The following EIF3H variants were observed in gnomAD, a reference collection of about 807,000 sequenced individuals.
The protein encoded by EIF3H is eukaryotic translation initiation factor 3 subunit H.
In EIF3H, 26 loss-of-function variants were observed where a neutral mutation model predicts 44.2. That is an observed-to-expected ratio of 0.59 (90% CI 0.43 to 0.82). The LOEUF (loss-of-function observed/expected upper bound fraction) is 0.82. Ranked by LOEUF, EIF3H falls within the 40% of genes least tolerant of loss-of-function variation. EIF3H has a pLI of 0.00. For synonymous variants in EIF3H, 166 were observed against 151.9 expected, an observed-to-expected ratio of 1.09 and a Z score of -0.68; for missense variants, 359 against 432.8, an observed-to-expected ratio of 0.83 and a Z score of 1.51.
chr8:116,700,965 G>A (rs868629181), intron 2 of EIF3H, among the ~76,000 whole-genome samples: 2 of 151,912 alleles, frequency 1.3e-5, no homozygotes, highest in Non-Finnish European at 2.9e-5. Flanking sequence ...TAAGACTTCT[G>A]GTCTAAATTT....
chr8:116,726,567 A>G (rs1385990616), intron 1 of EIF3H, among the ~76,000 whole-genome samples: 2 of 152,250 alleles, frequency 1.3e-5, no homozygotes, highest in African/African-American at 4.8e-5. Flanking sequence ...TAAGACACAG[A>G]GATAAAGGTC....
intron 1 of EIF3H, among the ~76,000 whole-genome samples, chr8:116,765,209 C>T (rs1297708554): frequency 6.6e-6 from 1 of 152,136 alleles, no homozygotes; most frequent in Non-Finnish European, 1.5e-5. Flanking sequence ...ACTCAAAGAC[C>T]TTGAATCCAA....
At chr8:116,739,196 C>T (rs1368140339) in intron 1 of EIF3H, among the ~76,000 whole-genome samples, 2 of 152,240 alleles carry the variant, frequency 1.3e-5, no homozygotes, top group African/African-American at 4.8e-5. Context: ...AGGACATGTT[C>T]CTGCTTCTTA....
chr8:116,697,448 TG>T (rs1814288325), intron 2 of EIF3H, among the ~76,000 whole-genome samples: 1 of 152,298 alleles, frequency 6.6e-6, no homozygotes, highest in Non-Finnish European at 1.5e-5. Context: ...TCTTAATGAC[TG>T]GGAACAAAGA....
chr8:116,757,541 C>T (rs986960130), upstream of EIF3H, among the ~76,000 whole-genome samples: 1 of 151,752 alleles, frequency 6.6e-6, no homozygotes, highest in African/African-American at 2.4e-5. Flanking sequence ...TTATGGTGAC[C>T]TCATCCAAGC....
intron 1 of EIF3H, among the ~76,000 whole-genome samples, chr8:116,732,934 C>A (rs1814976541): frequency 6.6e-6 from 1 of 152,174 alleles, no homozygotes; most frequent in Admixed American, 6.5e-5. Flanking sequence ...CAATTTTTGA[C>A]ACTATCTTCC....
At chr8:116,664,369 T>TTA (rs1285182361) in intron 2 of EIF3H, among the ~76,000 whole-genome samples, 1 of 152,168 alleles carries the variant, frequency 6.6e-6, no homozygotes, top group Non-Finnish European at 1.5e-5. Flanking sequence ...CATTTAAATG[T>TTA]TATATATATC....
chr8:116,750,022 G>T (rs1383279924), intron 1 of EIF3H, among the ~76,000 whole-genome samples: 1 of 152,302 alleles, frequency 6.6e-6, no homozygotes, highest in African/African-American at 2.4e-5. Flanking sequence ...ATTAATCTCT[G>T]GGTTCATCTA....
intron 4 of EIF3H, 76 bp downstream of exon 4, chr8:116,657,139 G>C (rs1813504405): frequency 8.0e-7 from 1 of 1,256,284 alleles, no homozygotes; most frequent in Non-Finnish European, 1.2e-6. Context: ...CACAACCAAG[G>C]ATTCAAGAGA....
chr8:116,672,249 T>C (rs564827500), intron 2 of EIF3H, among the ~76,000 whole-genome samples: 1 of 152,314 alleles, frequency 6.6e-6, no homozygotes, highest in South Asian at 2.1e-4. Flanking sequence ...TAGTATTCCA[T>C]AGAGATAAGT....
At chr8:116,688,581 G>T (rs1020941681) in intron 2 of EIF3H, among the ~76,000 whole-genome samples, 7 of 152,052 alleles carry the variant, frequency 4.6e-5, no homozygotes, top group African/African-American at 1.7e-4. Flanking sequence ...ACTGCTGCAA[G>T]AACTACAGAA....
At chr8:116,704,759 A>G (rs1395356831) in intron 2 of EIF3H, among the ~76,000 whole-genome samples, 1 of 152,244 alleles carries the variant, frequency 6.6e-6, no homozygotes, top group African/African-American at 2.4e-5. Context: ...AGTTTAAAAG[A>G]GGTCAAGCTA....
chr8:116,672,995 T>G (rs931299733), intron 2 of EIF3H, among the ~76,000 whole-genome samples: 1 of 147,184 alleles, frequency 6.8e-6, no homozygotes, highest in African/African-American at 2.6e-5. Flanking sequence ...AACTTAAAGT[T>G]TTAATAAAAT....
At chr8:116,675,343 T>A (rs1344986468) in intron 2 of EIF3H, among the ~76,000 whole-genome samples, 1 of 152,234 alleles carries the variant, frequency 6.6e-6, no homozygotes, top group Admixed American at 6.5e-5. Flanking sequence ...CACATTCCAT[T>A]TTAACCAGAA....
intron 1 of EIF3H, among the ~76,000 whole-genome samples, chr8:116,764,999 A>G (rs1300305025): frequency 6.6e-6 from 1 of 152,202 alleles, no homozygotes; most frequent in Non-Finnish European, 1.5e-5. Context: ...CTAGTGCTGC[A>G]CCACATTTTT....
chr8:116,718,715 A>T (rs1373188281), intron 2 of EIF3H, among the ~76,000 whole-genome samples: 1 of 122,470 alleles, frequency 8.2e-6, no homozygotes, highest in Non-Finnish European at 1.7e-5. Context: ...GGCTTTGAGG[A>T]ATTGGAGAAA....
chr8:116,685,864 G>GA (rs765574292), intron 2 of EIF3H, among the ~76,000 whole-genome samples: 5 of 152,148 alleles, frequency 3.3e-5, no homozygotes, highest in Non-Finnish European at 7.4e-5. Context: ...CCCAAACAAG[G>GA]AAAGATCTGC....
chr8:116,741,673 CATCA>C (rs1815136039), intron 1 of EIF3H, among the ~76,000 whole-genome samples: 2 of 152,226 alleles, frequency 1.3e-5, no homozygotes, highest in South Asian at 4.1e-4. Context: ...GAATTTCTCA[CATCA>C]ATCACCGTCA....
intron 2 of EIF3H, among the ~76,000 whole-genome samples, chr8:116,664,895 G>A (rs746858506): frequency 1.4e-4 from 22 of 152,168 alleles, no homozygotes; most frequent in Non-Finnish European, 3.2e-4. Context: ...TAGGGAAAGA[G>A]TAGAGCTAGG....
Sources: allele counts gnomAD v4.1 joint callset (sites outside exome capture counted in the v4.1 genomes callset), GRCh38; gene constraint gnomAD v4.1.1; transcripts MANE v1.5; gene names NCBI Gene and HGNC (gene_info 2026-07-23, HGNC 2026-07-21).